The following SYCP1 variants were observed in gnomAD, a reference collection of about 807,000 sequenced individuals.
The protein encoded by SYCP1 is cancer/testis antigen 8.
In SYCP1, 64 loss-of-function variants were observed where a neutral mutation model predicts 153.1. That is an observed-to-expected ratio of 0.42 (90% confidence interval 0.34 to 0.51). SYCP1 has a LOEUF of 0.51. Ranked by LOEUF, SYCP1 falls within the 20% of genes least tolerant of loss-of-function variation. SYCP1 has a pLI of 0.06. For missense variants in SYCP1, 997 were observed against 1,049.0 expected (o/e 0.95, Z 0.68); for synonymous variants, 384 against 341.8 (o/e 1.12, Z -1.36).
chr1:114,952,669 G>T (rs1671185692), intron 27 of SYCP1, among the ~76,000 whole-genome samples: 1 of 152,128 alleles, frequency 6.6e-6, no homozygotes, highest in East Asian at 1.9e-4. Flanking sequence ...CAGCATGGGG[G>T]TAACCAACCT....
At chr1:114,915,364 A>G (rs927484346) in intron 20 of SYCP1, among the ~76,000 whole-genome samples, 1 of 152,222 alleles carries the variant, frequency 6.6e-6, no homozygotes, top group African/African-American at 2.4e-5. Context: ...AGATACAAAT[A>G]TTGAGCTCTC....
chr1:114,923,828 A>G (rs1176602475), intron 21 of SYCP1, among the ~76,000 whole-genome samples: 2 of 152,186 alleles, frequency 1.3e-5, no homozygotes, highest in African/African-American at 4.8e-5. Context: ...TATAAAATAT[A>G]TGGATGACAA....
At chr1:114,876,250 A>C in intron 10 of SYCP1, 112 bp downstream of exon 10, 2 of 582,468 alleles carry the variant, frequency 3.4e-6, no homozygotes, top group African/African-American at 1.9e-5. Flanking sequence ...ACTATTTTCT[A>C]TTTTATTTAT....
rs547464502 is a variant in SYCP1, at chr1:114,926,641, T to C, written c.1926+78T>C. On this transcript the variant is annotated intron_variant, in intron 23 of 31. Coordinates refer to ENST00000369522, the MANE Select transcript of SYCP1 (RefSeq NM_003176.4). ...TTAGACATTTTATTCCACTTGTTTA[T>C]ACAGTATAAATTCAATTTATACCAT... 4 of 1,248,478 alleles carry C rather than the reference T, an allele frequency of 3.2e-6. No individual in the cohort carries two copies. In the East Asian group the frequency reaches 1.0e-4, roughly 33 times the overall value. The allele number at this position is 1,248,478 out of a possible 1,614,324, so 77.3% of individuals were successfully genotyped here. A position where few individuals can be genotyped will look rare whatever the true frequency, so the allele number is the denominator to read the frequency against.
intron 3 of SYCP1, 41 bp downstream of exon 3, chr1:114,856,698 C>A: frequency 7.3e-7 from 1 of 1,363,362 alleles, no homozygotes; most frequent in Non-Finnish European, 1.0e-6. Context: ...TATATAGAAA[C>A]ATTGTGTTAC....
intron 16 of SYCP1, among the ~76,000 whole-genome samples, chr1:114,902,138 A>G (rs1394205703): frequency 1.3e-5 from 2 of 152,040 alleles, no homozygotes; most frequent in African/African-American, 4.8e-5. Flanking sequence ...GCCCATCTGT[A>G]CCAAAAAAAG....
At chr1:114,893,502 A>G (rs1249897981) in intron 15 of SYCP1, among the ~76,000 whole-genome samples, 2 of 152,150 alleles carry the variant, frequency 1.3e-5, no homozygotes, top group African/African-American at 4.8e-5. Flanking sequence ...TAAGAGCTCT[A>G]GGTAATCTAT....
chr1:114,876,858 T>C (rs1348561218), intron 11 of SYCP1, 48 bp downstream of exon 11: 2 of 1,074,968 alleles, frequency 1.9e-6, no homozygotes, highest in Non-Finnish European at 1.2e-6. Flanking sequence ...TGCTAATTCA[T>C]TAAAAACTTA....
At position 114,857,722 on chromosome 1, in the gene SYCP1, G is replaced by T. The variant is rs552310640; in HGVS notation, c.291+225G>T. Among the ~76,000 whole-genome samples the T allele has an allele frequency of 2.0e-5, 3 of 152,122 alleles. No individual in the cohort carries two copies. In the South Asian group the frequency reaches 6.2e-4, roughly 32 times the overall value. On this transcript the variant is annotated intron_variant, in intron 5 of 31. Transcript: ENST00000369522. Reference sequence around the variant, plus strand: ...CCATGAAATCAAGAAGAGGGGAAACGAGTACTATACCTGAAAAGTATATTA... The same window carrying T: ...CCATGAAATCAAGAAGAGGGGAAACTAGTACTATACCTGAAAAGTATATTA...
At chr1:114,913,265 T>A in intron 19 of SYCP1, 115 bp downstream of exon 19, 4 of 802,614 alleles carry the variant, frequency 5.0e-6, no homozygotes, top group Non-Finnish European at 7.9e-6. Flanking sequence ...GAGCTAAAAC[T>A]TTGTTTTAGC....
At chr1:114,891,543 G>A (rs1351673724) in intron 15 of SYCP1, among the ~76,000 whole-genome samples, 4 of 152,140 alleles carry the variant, frequency 2.6e-5, no homozygotes, top group African/African-American at 9.7e-5. Flanking sequence ...AACTGCAATA[G>A]GAAATCTTTG....
At chr1:114,871,632 G>A (rs1293267173) in intron 8 of SYCP1, among the ~76,000 whole-genome samples, 1 of 152,082 alleles carries the variant, frequency 6.6e-6, no homozygotes, top group Admixed American at 6.6e-5. Context: ...GAGTGCAGTG[G>A]CATGATCCTG....
In SYCP1 at chr1:114,857,399, G is replaced by C. The variant is rs1309894777; in HGVS notation, c.238-45G>C. The C allele has an allele frequency of 1.3e-6, 2 of 1,543,996 alleles. 1 individual carries two copies. Among genetic ancestry groups the C allele is most frequent in the South Asian group, 2.4e-5 (2 of 82,020 alleles). Reference sequence around the variant, plus strand: ...TGTATTTAATTGTTATTATTTAGAAGCTCTTATCAGAAGTATTTTCTTATA... The same window carrying C: ...TGTATTTAATTGTTATTATTTAGAACCTCTTATCAGAAGTATTTTCTTATA... On this transcript the variant is annotated intron_variant, in intron 4 of 31. Transcript: ENST00000369522.
chr1:114,910,821 C>A (rs1248729698), intron 17 of SYCP1, among the ~76,000 whole-genome samples: 1 of 152,050 alleles, frequency 6.6e-6, no homozygotes. Context: ...AGTGAAGTAG[C>A]TAATTCAAAT....
intron 8 of SYCP1, among the ~76,000 whole-genome samples, chr1:114,861,396 T>C (rs1449582327): frequency 6.6e-6 from 1 of 152,218 alleles, no homozygotes; most frequent in African/African-American, 2.4e-5. Context: ...AATATAATTC[T>C]TTATTTTTGC....
chr1:114,956,638 C>T (rs1671452042), intron 27 of SYCP1, among the ~76,000 whole-genome samples: 1 of 152,194 alleles, frequency 6.6e-6, no homozygotes, highest in Non-Finnish European at 1.5e-5. Flanking sequence ...ATCTTCTGAA[C>T]TCAGGTCCCT....
In SYCP1 at chr1:114,855,547, T is replaced by C. The variant is rs1300626699; in HGVS notation, c.83T>C (p.Leu28Pro). The C allele has an allele frequency of 1.2e-6, 2 of 1,608,204 alleles. No individual in the cohort carries two copies. Among genetic ancestry groups the C allele is most frequent in the African/African-American group, 1.3e-5 (1 of 74,626 alleles). The change falls in exon 2 of 32, where the codon CTG (leucine) becomes CCG (proline). Residue 28 changes from leucine to proline, a missense_variant. Leu to Pro is a moderately conservative substitution (Grantham distance 98). Coordinates refer to ENST00000369522, the MANE Select transcript of SYCP1 (RefSeq NM_003176.4). Reference protein sequence around the residue: ...SQVSAVKPQTLGGDSTFFKSF... With the variant: ...SQVSAVKPQTPGGDSTFFKSF... The stretch of plus-strand genomic sequence containing the variant: ...GTGTCTGCGGTGAAACCTCAGACCC[T>C]GGGAGGCGATTCCACTTTCTTCAAG...
intron 28 of SYCP1, among the ~76,000 whole-genome samples, chr1:114,978,292 G>A (rs1311509853): frequency 6.6e-6 from 1 of 151,574 alleles, no homozygotes; most frequent in East Asian, 1.9e-4. Context: ...GGGTATAAAG[G>A]AGAAGAGCAG....
At chr1:114,879,598 G>C (rs892231818) in intron 12 of SYCP1, among the ~76,000 whole-genome samples, 1 of 152,100 alleles carries the variant, frequency 6.6e-6, no homozygotes, top group Admixed American at 6.6e-5. Context: ...CTTTGTAACT[G>C]TAGTGCCCAG....
Sources: gnomAD v4.1 joint callset for allele counts (sites outside exome capture counted in the v4.1 genomes callset) on GRCh38, gnomAD v4.1.1 for gene constraint, MANE v1.5 for transcripts, NCBI Gene and HGNC (gene_info 2026-07-23, HGNC 2026-07-21) for gene names.